Variants in ATG10 observed in about 807,000 individuals in gnomAD.
ATG10 encodes the protein autophagy related 10.
A neutral mutation model predicts 32.1 loss-of-function variants in ATG10; 30 were observed. That is an observed-to-expected ratio of 0.94 (90% confidence interval 0.70 to 1.27). The LOEUF is 1.27. ATG10 is among the 50% of genes most tolerant of loss of function. The pLI is 0.00. For synonymous variants in ATG10, 87 were observed against 91.5 expected (o/e 0.95, Z 0.28); for missense variants, 233 against 262.3 (o/e 0.89, Z 0.77).
intron 3 of ATG10, among the ~76,000 whole-genome samples, chr5:82,125,512 A>C (rs1240123596): frequency 6.6e-6 from 1 of 152,178 alleles, no homozygotes; most frequent in African/African-American, 2.4e-5. Flanking sequence ...TTTTCCCAAC[A>C]CCATTTATGA....
At chr5:82,063,593 G>A (rs150614333) in intron 3 of ATG10, among the ~76,000 whole-genome samples, 1,797 of 151,700 alleles carry the variant, frequency 0.012, 25 homozygotes, top group African/African-American at 0.042. Context: ...CCCAGGTTCA[G>A]GTGATTCTCC....
chr5:82,012,725 G>A (rs915622219), intron 2 of ATG10, among the ~76,000 whole-genome samples: 3 of 151,852 alleles, frequency 2.0e-5, no homozygotes, highest in African/African-American at 4.8e-5. Flanking sequence ...GTGCAGTCTC[G>A]GTTCATTGCA....
intron 3 of ATG10, among the ~76,000 whole-genome samples, chr5:82,140,947 CAT>C: frequency 1.3e-5 from 1 of 75,152 alleles, no homozygotes; most frequent in South Asian, 5.4e-4. Context: ...CTCTCTGAAA[CAT>C]GTGCTGTGTC....
chr5:82,100,226 C>T (rs963549432), intron 3 of ATG10, among the ~76,000 whole-genome samples: 4 of 151,870 alleles, frequency 2.6e-5, no homozygotes, highest in Non-Finnish European at 4.4e-5. Context: ...AGGCTGGTCT[C>T]GAACTCGTGA....
At chr5:82,090,478 T>G (rs1273437207) in intron 3 of ATG10, among the ~76,000 whole-genome samples, 1 of 152,210 alleles carries the variant, frequency 6.6e-6, no homozygotes, top group Non-Finnish European at 1.5e-5. Flanking sequence ...GGCCAGAGAA[T>G]GATGCTGAAT....
chr5:82,165,297 C>T (rs1743530992), intron 4 of ATG10, among the ~76,000 whole-genome samples: 1 of 152,174 alleles, frequency 6.6e-6, no homozygotes, highest in Non-Finnish European at 1.5e-5. Context: ...TTGTATCTGG[C>T]CTTATCAGCA....
Position 81,998,582 on chromosome 5 carries a change from GCA to G in ATG10, c.108+10907_108+10908del, listed in dbSNP as rs1761736534. On this transcript the variant is annotated intron_variant, in intron 2 of 7. Coordinates refer to ENST00000282185, the MANE Select transcript of ATG10 (RefSeq NM_031482.5). Reference sequence around the variant, plus strand: ...ACAGGCTAAATGCCCCAATTAAAAGGCACAGAGTGGCAAGTTGGGTAAAGAAG... The same window carrying G: ...ACAGGCTAAATGCCCCAATTAAAAGGCAGAGTGGCAAGTTGGGTAAAGAAG... 2.0e-5 allele frequency among the ~76,000 whole-genome samples: 3 copies of G among 152,082 alleles called. No individual in the cohort carries two copies. In the South Asian group the frequency reaches 6.2e-4, roughly 32 times the overall value.
At chr5:82,081,008 T>C (rs1764458427) in intron 3 of ATG10, among the ~76,000 whole-genome samples, 1 of 152,230 alleles carries the variant, frequency 6.6e-6, no homozygotes, top group African/African-American at 2.4e-5. Context: ...GGAGTGTTCT[T>C]CCACTTGTTT....
intron 4 of ATG10, among the ~76,000 whole-genome samples, chr5:82,167,701 GTTCCACTTCT>G (rs1743637053): frequency 6.6e-6 from 1 of 152,192 alleles, no homozygotes; most frequent in Non-Finnish European, 1.5e-5. Context: ...TGAAGCAGCT[GTTCCACTTCT>G]ATAAACACGT....
At chr5:82,037,458 G>A (rs1403609007) in intron 2 of ATG10, among the ~76,000 whole-genome samples, 1 of 149,630 alleles carries the variant, frequency 6.7e-6, no homozygotes, top group Admixed American at 6.7e-5. Flanking sequence ...CGTTTTAGCC[G>A]GGATGGTCTC....
chr5:82,136,940 A>G (rs1766780615), intron 3 of ATG10, among the ~76,000 whole-genome samples: 1 of 151,820 alleles, frequency 6.6e-6, no homozygotes, highest in Admixed American at 6.6e-5. Context: ...TCTTGTCTTC[A>G]TGCTTCATTT....
At chr5:82,121,932 T>G (rs983576321) in intron 3 of ATG10, among the ~76,000 whole-genome samples, 8 of 150,884 alleles carry the variant, frequency 5.3e-5, no homozygotes, top group African/African-American at 2.0e-4. Context: ...GCATCAATAT[T>G]GGCCTGAAGT....
At chr5:82,202,836 C>T (rs1745122571) in intron 5 of ATG10, among the ~76,000 whole-genome samples, 1 of 152,216 alleles carries the variant, frequency 6.6e-6, no homozygotes, top group Admixed American at 6.5e-5. Flanking sequence ...GCCTGAAACA[C>T]GTTTCTCTCA....
intron 3 of ATG10, among the ~76,000 whole-genome samples, chr5:82,092,092 T>C (rs1022919862): frequency 6.6e-6 from 1 of 152,222 alleles, no homozygotes; most frequent in Non-Finnish European, 1.5e-5. Flanking sequence ...TAATAGCTTT[T>C]GTATTTGAAG....
At chr5:82,116,205 A>G (rs537613754) in intron 3 of ATG10, among the ~76,000 whole-genome samples, 2 of 152,176 alleles carry the variant, frequency 1.3e-5, no homozygotes, top group East Asian at 3.9e-4. Flanking sequence ...TGTGTTATCA[A>G]ATTCATATTG....
At chr5:82,005,281 A>G (rs1411579433) in intron 2 of ATG10, among the ~76,000 whole-genome samples, 1 of 151,894 alleles carries the variant, frequency 6.6e-6, no homozygotes, top group Non-Finnish European at 1.5e-5. Flanking sequence ...CTTAATTTAT[A>G]ATTATTCTTG....
chr5:82,024,848 T>C (rs984448877), intron 2 of ATG10, among the ~76,000 whole-genome samples: 8 of 152,046 alleles, frequency 5.3e-5, no homozygotes, highest in Admixed American at 3.9e-4. Flanking sequence ...CTGAGTGGAG[T>C]TGGTGTTGAC....
chr5:82,019,151 T>C (rs553337006), intron 2 of ATG10, among the ~76,000 whole-genome samples: 2 of 152,194 alleles, frequency 1.3e-5, no homozygotes, highest in Non-Finnish European at 2.9e-5. Context: ...TTGAAAAATT[T>C]TGAGAAATTA....
intron 3 of ATG10, among the ~76,000 whole-genome samples, chr5:82,163,027 AAG>A (rs1743427921): frequency 6.6e-6 from 1 of 152,188 alleles, no homozygotes; most frequent in Non-Finnish European, 1.5e-5. Context: ...TTTTACCACC[AAG>A]ATAGAATTAT....
Sources: gnomAD v4.1 joint callset for allele counts (sites outside exome capture counted in the v4.1 genomes callset) on GRCh38, gnomAD v4.1.1 for gene constraint, MANE v1.5 for transcripts, NCBI Gene and HGNC (gene_info 2026-07-23, HGNC 2026-07-21) for gene names.